ARSB: variants seen among roughly 807,000 people sequenced by gnomAD.
The protein encoded by ARSB is arylsulfatase B.
Under a neutral mutation model 50.9 loss-of-function variants are expected in ARSB, and 41 were observed. The observed-to-expected ratio is 0.81, with a 90% CI of 0.63 to 1.04. The LOEUF is 1.04. Among genes scored for constraint, ARSB ranks in the 50% least tolerant of loss-of-function variants. The pLI is 0.00. For synonymous variants in ARSB, 269 were observed against 284.8 expected (o/e 0.94, Z 0.56); for missense variants, 672 against 693.3 (o/e 0.97, Z 0.35).
At chr5:78,820,656 C>T (rs941799570) in intron 6 of ARSB, among the ~76,000 whole-genome samples, 1 of 152,112 alleles carries the variant, frequency 6.6e-6, no homozygotes, top group African/African-American at 2.4e-5. Flanking sequence ...TAAAGTAGAC[C>T]TTTATCAGGG....
chr5:78,884,779 T>C (rs752302094), intron 5 of ARSB: 5 of 152,084 alleles, frequency 3.3e-5, no homozygotes, highest in African/African-American at 7.3e-5. Context: ...TTAATACAAA[T>C]ACAAGATTGA....
chr5:78,815,271 C>A (rs1350649332), intron 6 of ARSB, among the ~76,000 whole-genome samples: 2 of 150,810 alleles, frequency 1.3e-5, no homozygotes, highest in Non-Finnish European at 3.0e-5. Context: ...CCTTCTCCAC[C>A]CTTCCCTGTT....
chr5:78,957,755 TG>T (rs1561526375), intron 3 of ARSB, among the ~76,000 whole-genome samples: 1 of 151,964 alleles, frequency 6.6e-6, no homozygotes, highest in Non-Finnish European at 1.5e-5. Context: ...ATGCCCTGCC[TG>T]GGGGTGATGA....
chr5:78,957,799 G>A (rs563005392), intron 3 of ARSB, among the ~76,000 whole-genome samples: 2 of 152,154 alleles, frequency 1.3e-5, no homozygotes, highest in African/African-American at 2.4e-5. Flanking sequence ...AGGGAAGAAC[G>A]TGCAGGTGCA....
At position 78,829,802 on chromosome 5, in the gene ARSB, T is replaced by C. The variant is rs563644859; in HGVS notation, c.1213+9554A>G. On this transcript the variant is annotated intron_variant, in intron 6 of 7. Transcript: ENST00000264914. The stretch of plus-strand genomic sequence containing the variant: ...ATTTACTTTGTAAATTTTAATTTCA[T>C]TGGATATGTTCCCTAAAATTTTATG... 2.0e-5 allele frequency among the ~76,000 whole-genome samples: 3 copies of C among 152,356 alleles called. No homozygotes were observed. The Middle Eastern group carries it at 0.01, about 518-fold the overall frequency.
intron 3 of ARSB, among the ~76,000 whole-genome samples, chr5:78,958,580 C>G (rs1751837457): frequency 6.6e-6 from 1 of 152,152 alleles, no homozygotes; most frequent in Non-Finnish European, 1.5e-5. Context: ...ATTACCATCA[C>G]TTTTATAAAA....
intron 4 of ARSB, among the ~76,000 whole-genome samples, chr5:78,888,912 C>T (rs1176552231): frequency 6.6e-6 from 1 of 152,238 alleles, no homozygotes; most frequent in Non-Finnish European, 1.5e-5. Flanking sequence ...TTTTTAAGAG[C>T]ACTCCAAAGA....
At chr5:78,913,164 G>A (rs1394470338) in intron 4 of ARSB, among the ~76,000 whole-genome samples, 1 of 146,972 alleles carries the variant, frequency 6.8e-6, no homozygotes, top group Non-Finnish European at 1.5e-5. Flanking sequence ...TCTCGCTGTC[G>A]CCCAGGCTGG....
chr5:78,867,288 G>T (rs866009077), intron 5 of ARSB, among the ~76,000 whole-genome samples: 6 of 151,448 alleles, frequency 4.0e-5, no homozygotes, highest in Admixed American at 6.6e-5. Context: ...CAAAGCAGCC[G>T]GGAAGCTCGA....
At chr5:78,782,047 C>T in intron 6 of ARSB, 73 bp from the exon 7 acceptor site, 1 of 1,585,052 alleles carries the variant, frequency 6.3e-7, no homozygotes, top group South Asian at 1.1e-5. Context: ...CATTTTATAC[C>T]CTTGCAGAAC....
At chr5:78,816,139 C>T in intron 6 of ARSB, 1 of 1,614,122 alleles carries the variant, frequency 6.2e-7, no homozygotes, top group South Asian at 1.1e-5. Context: ...AAATGACTTT[C>T]CTGAAGATAT....
At chr5:78,802,749 T>G (rs867922806) in intron 6 of ARSB, among the ~76,000 whole-genome samples, 1 of 152,196 alleles carries the variant, frequency 6.6e-6, no homozygotes, top group Non-Finnish European at 1.5e-5. Context: ...CCCCTTTGCA[T>G]AGATGAGGAA....
chr5:78,956,429 T>C (rs1347111198), intron 3 of ARSB, among the ~76,000 whole-genome samples: 1 of 152,128 alleles, frequency 6.6e-6, no homozygotes, highest in Non-Finnish European at 1.5e-5. Flanking sequence ...ATGATGAACA[T>C]GTTTTAAACT....
chr5:78,869,745 T>C (rs1383633799), intron 5 of ARSB, among the ~76,000 whole-genome samples: 1 of 145,398 alleles, frequency 6.9e-6, no homozygotes, highest in African/African-American at 2.5e-5. Context: ...AACATCACAA[T>C]TAAAACAACT....
intron 5 of ARSB, among the ~76,000 whole-genome samples, chr5:78,848,509 G>A (rs1315589912): frequency 1.3e-5 from 2 of 151,212 alleles, no homozygotes; most frequent in Non-Finnish European, 2.9e-5. Flanking sequence ...ATTGTGAATA[G>A]TGCCGCAATA....
chr5:78,878,960 C>T (rs536545665), intron 5 of ARSB, among the ~76,000 whole-genome samples: 1 of 152,080 alleles, frequency 6.6e-6, no homozygotes, highest in Admixed American at 6.5e-5. Context: ...CTCAAGTGAA[C>T]CTCCTGCCTC....
chr5:78,947,309 C>A (rs1226049018), intron 4 of ARSB, among the ~76,000 whole-genome samples: 1 of 151,890 alleles, frequency 6.6e-6, no homozygotes, highest in East Asian at 1.9e-4. Flanking sequence ...AGCTCCTGCA[C>A]AGTAAAGAAA....
intron 5 of ARSB, among the ~76,000 whole-genome samples, chr5:78,881,632 T>G (rs1445882734): frequency 6.6e-6 from 1 of 152,238 alleles, no homozygotes; most frequent in African/African-American, 2.4e-5. Flanking sequence ...TACAAGACTA[T>G]TTTGTCTATA....
chr5:78,854,851 C>T (rs1004223941), intron 5 of ARSB, among the ~76,000 whole-genome samples: 1 of 152,170 alleles, frequency 6.6e-6, no homozygotes, highest in Non-Finnish European at 1.5e-5. Context: ...CTGGGTATCG[C>T]ATGCTTAGCT....
Sources: gnomAD v4.1 joint callset for allele counts (sites outside exome capture counted in the v4.1 genomes callset) on GRCh38, gnomAD v4.1.1 for gene constraint, MANE v1.5 for transcripts, NCBI Gene and HGNC (gene_info 2026-07-23, HGNC 2026-07-21) for gene names.